Variants in GRIA2 observed in about 807,000 individuals in gnomAD.
GRIA2 encodes the protein glutamate ionotropic receptor AMPA type subunit 2.
A neutral mutation model predicts 97.3 loss-of-function variants in GRIA2; 14 were observed. The ratio of observed to expected loss-of-function variants is 0.14; its 90% confidence interval spans 0.10 to 0.23. The LOEUF (loss-of-function observed/expected upper bound fraction) is 0.23, where lower values mean the gene tolerates loss of function less well. Ranked by LOEUF, GRIA2 falls within the 10% of genes least tolerant of loss-of-function variation. The pLI is 1.00. For missense variants in GRIA2, 558 were observed against 1,069.8 expected (o/e 0.52, Z 6.67); for synonymous variants, 412 against 387.8 (o/e 1.06, Z -0.73).
At chr4:157,243,952 A>AT (rs1379242730) in intron 2 of GRIA2, among the ~76,000 whole-genome samples, 1 of 152,058 alleles carries the variant, frequency 6.6e-6, no homozygotes, top group Admixed American at 6.6e-5. Context: ...AAAAAAAAAG[A>AT]TTATAGCTTG....
chr4:157,304,985 A>C (rs1733777975), intron 3 of GRIA2, among the ~76,000 whole-genome samples: 1 of 152,156 alleles, frequency 6.6e-6, no homozygotes, highest in Non-Finnish European at 1.5e-5. Flanking sequence ...GTCAACAACT[A>C]TGTCCCCCTG....
chr4:157,315,516 TTTG>T (rs1247654375), intron 4 of GRIA2, among the ~76,000 whole-genome samples: 3,651 of 145,160 alleles, frequency 0.025, 154 homozygotes, highest in African/African-American at 0.088. Flanking sequence ...TGGGTTTTTT[TTTG>T]TTTGTTTGTT....
rs180854177 is a variant in GRIA2, at chr4:157,258,143, T to C, written c.229+36336T>C. ...CAAATTGTTTAAACAGTATGAAATC[T>C]GGGCACCTTGACAAAAGAACAGGAT... On this transcript the variant is annotated intron_variant, in intron 2 of 15. Coordinates refer to ENST00000264426, the MANE Select transcript of GRIA2 (RefSeq NM_001083619.3). 8.5e-5 allele frequency among the ~76,000 whole-genome samples: 13 copies of C among 152,138 alleles called. No individual in the cohort carries two copies. In the East Asian group the frequency reaches 2.5e-3, roughly 30 times the overall value.
rs185404242 is a variant in GRIA2, at chr4:157,251,599, T to C, written c.229+29792T>C. ...TCTTGGTAGTGACGGCTTGCTGATG[T>C]TCACTATTAATGTTGACAGTATGAA... is the stretch of plus-strand genomic sequence containing the variant. On this transcript the variant is annotated intron_variant, in intron 2 of 15. Coordinates refer to ENST00000264426, the MANE Select transcript of GRIA2 (RefSeq NM_001083619.3). Among the ~76,000 whole-genome samples, 296 of 152,228 alleles carry C rather than the reference T, an allele frequency of 1.9e-3. 1 individual carries two copies. Among genetic ancestry groups the C allele is most frequent in the Non-Finnish European group, 3.5e-3 (236 of 68,002 alleles).
chr4:157,260,759 T>C (rs1731495434), intron 2 of GRIA2, among the ~76,000 whole-genome samples: 1 of 152,008 alleles, frequency 6.6e-6, no homozygotes, highest in Non-Finnish European at 1.5e-5. Flanking sequence ...ATTCATGATG[T>C]TGTTATTGTG....
chr4:157,328,641 G>A (rs1244304814), intron 6 of GRIA2, among the ~76,000 whole-genome samples: 1 of 151,930 alleles, frequency 6.6e-6, no homozygotes. Flanking sequence ...CTTGATTTCA[G>A]CATCTTTTTT....
chr4:157,328,885 T>C (rs763898030), intron 6 of GRIA2, among the ~76,000 whole-genome samples: 1 of 152,046 alleles, frequency 6.6e-6, no homozygotes, highest in Non-Finnish European at 1.5e-5. Flanking sequence ...AGATGTTAAT[T>C]TAGGTTTCTT....
intron 2 of GRIA2, among the ~76,000 whole-genome samples, chr4:157,282,244 C>A (rs1333838654): frequency 6.6e-6 from 1 of 152,012 alleles, no homozygotes; most frequent in Non-Finnish European, 1.5e-5. Context: ...CATGGCCGAA[C>A]CCAGAGCCAA....
chr4:157,250,797 A>G (rs989571760), intron 2 of GRIA2, among the ~76,000 whole-genome samples: 12 of 152,102 alleles, frequency 7.9e-5, no homozygotes, highest in African/African-American at 2.2e-4. Context: ...ATAAAACACA[A>G]TCTTCTCAAC....
At chr4:157,352,324 T>C (rs1736044184) in intron 12 of GRIA2, among the ~76,000 whole-genome samples, 1 of 152,206 alleles carries the variant, frequency 6.6e-6, no homozygotes, top group African/African-American at 2.4e-5. Flanking sequence ...GGTAATCTTT[T>C]TGAATCTTGA....
chr4:157,301,831 G>C (rs532555746), intron 2 of GRIA2, among the ~76,000 whole-genome samples: 5 of 151,930 alleles, frequency 3.3e-5, no homozygotes, highest in African/African-American at 1.2e-4. Flanking sequence ...TCCAGTTTTT[G>C]GATTGAAATG....
At chr4:157,246,658 A>C (rs529483363) in intron 2 of GRIA2, among the ~76,000 whole-genome samples, 1 of 152,088 alleles carries the variant, frequency 6.6e-6, no homozygotes, top group African/African-American at 2.4e-5. Context: ...GATGAGCTGC[A>C]TATATTGTGA....
chr4:157,353,712 CAAAA>C (rs1293624318), intron 12 of GRIA2, among the ~76,000 whole-genome samples: 1 of 151,558 alleles, frequency 6.6e-6, no homozygotes, highest in Non-Finnish European at 1.5e-5. Context: ...AACAAAAAAA[CAAAA>C]AAACCTTATA....
Position 157,353,520 on chromosome 4 carries a change from A to T in GRIA2, c.2044-6376A>T, listed in dbSNP as rs972347847. Among the ~76,000 whole-genome samples, 16 of 151,408 alleles carry T rather than the reference A, an allele frequency of 1.1e-4. No homozygotes were observed. In the East Asian group the frequency reaches 2.9e-3, roughly 28 times the overall value. On this transcript the variant is annotated intron_variant, in intron 12 of 15. Coordinates refer to ENST00000264426, the MANE Select transcript of GRIA2 (RefSeq NM_001083619.3). ...CCCGTCTCTAATAAAAATAATAAAA[A>T]AAAAAATTAGCCAGGTGTGGTGGTG... is the stretch of plus-strand genomic sequence containing the variant.
chr4:157,331,931 C>G (rs1190259172), intron 6 of GRIA2, among the ~76,000 whole-genome samples: 2 of 152,008 alleles, frequency 1.3e-5, no homozygotes, highest in Non-Finnish European at 2.9e-5. Flanking sequence ...CAGTATGGTA[C>G]AGTACTGCAT....
chr4:157,356,087 A>T (rs1289261432), intron 12 of GRIA2, among the ~76,000 whole-genome samples: 2 of 123,808 alleles, frequency 1.6e-5, no homozygotes, highest in African/African-American at 3.2e-5. Flanking sequence ...ATTTATTTAT[A>T]TATATTTATA....
intron 2 of GRIA2, among the ~76,000 whole-genome samples, chr4:157,230,125 A>G (rs1032720246): frequency 6.6e-6 from 1 of 152,176 alleles, no homozygotes; most frequent in Non-Finnish European, 1.5e-5. Context: ...TTGATATAAG[A>G]AAAGTTTCCT....
intron 2 of GRIA2, among the ~76,000 whole-genome samples, chr4:157,223,759 A>G (rs1385727981): frequency 6.6e-6 from 1 of 152,236 alleles, no homozygotes; most frequent in Non-Finnish European, 1.5e-5. Context: ...CTTTTTGAAA[A>G]CAGTCAATGA....
chr4:157,321,421 A>G lies in GRIA2; in HGVS notation c.721-17A>G, dbSNP rs758184692. 1.1e-5 allele frequency: 17 copies of G among 1,577,668 alleles called. No individual in the cohort carries two copies. The East Asian group carries it at 3.4e-4, about 31-fold the overall frequency. On this transcript the variant is annotated splice_polypyrimidine_tract_variant and intron_variant, in intron 5 of 15. Coordinates refer to ENST00000264426, the MANE Select transcript of GRIA2 (RefSeq NM_001083619.3). Reference sequence around the variant, plus strand: ...TTCTCAAACAAAAAGCGTGATATCAATGTGTTCTATGTTTAGGGATTTACT... The same window carrying G: ...TTCTCAAACAAAAAGCGTGATATCAGTGTGTTCTATGTTTAGGGATTTACT...
Sources: gnomAD v4.1 joint callset for allele counts (sites outside exome capture counted in the v4.1 genomes callset) on GRCh38, gnomAD v4.1.1 for gene constraint, MANE v1.5 for transcripts, NCBI Gene and HGNC (gene_info 2026-07-23, HGNC 2026-07-21) for gene names.